The following DYNC1I1 variants were observed in gnomAD, a reference collection of about 807,000 sequenced individuals.
The protein encoded by DYNC1I1 is dynein cytoplasmic 1 intermediate chain 1, also known as cytoplasmic dynein 1 intermediate chain 1.
DYNC1I1 carries 43 observed loss-of-function variants against 86.6 expected under a neutral mutation model. That is an observed-to-expected ratio of 0.50 (90% CI 0.39 to 0.64). The LOEUF is 0.64. Ranked by LOEUF, DYNC1I1 falls within the 30% of genes least tolerant of loss-of-function variation. The probability of loss-of-function intolerance (pLI) is 0.00; values close to 1 mark genes in which losing one functional copy is unlikely to be tolerated. For missense variants in DYNC1I1, 604 were observed against 788.8 expected (o/e 0.77, Z 2.81); for synonymous variants, 262 against 283.7 (o/e 0.92, Z 0.77).
intron 1 of DYNC1I1, among the ~76,000 whole-genome samples, chr7:95,796,591 A>T (rs988609440): frequency 1.3e-5 from 2 of 151,674 alleles, no homozygotes; most frequent in African/African-American, 2.4e-5. Flanking sequence ...GGAATTTTTG[A>T]CTCTAACTTG....
intron 6 of DYNC1I1, among the ~76,000 whole-genome samples, chr7:95,907,879 A>C (rs1296226442): frequency 1.3e-5 from 2 of 152,152 alleles, no homozygotes; most frequent in Non-Finnish European, 2.9e-5. Context: ...GCATTGTCAA[A>C]TTGAGTTCTA....
At chr7:95,794,549 G>T (rs1053927893) in intron 1 of DYNC1I1, among the ~76,000 whole-genome samples, 1 of 152,144 alleles carries the variant, frequency 6.6e-6, no homozygotes, top group Non-Finnish European at 1.5e-5. Flanking sequence ...AGTCCTTTAA[G>T]ATTTAAGAGC....
At chr7:95,784,424 G>A (rs1258451842) in intron 1 of DYNC1I1, among the ~76,000 whole-genome samples, 4 of 152,108 alleles carry the variant, frequency 2.6e-5, no homozygotes, top group African/African-American at 7.2e-5. Context: ...GTCTGGGTAC[G>A]ATGGAGGGGA....
At chr7:96,085,413 A>G (rs1790649147) in intron 16 of DYNC1I1, among the ~76,000 whole-genome samples, 1 of 152,068 alleles carries the variant, frequency 6.6e-6, no homozygotes. Flanking sequence ...CATGAGTAAT[A>G]TCCCACAGCC....
At chr7:95,877,015 T>G (rs567170823) in intron 6 of DYNC1I1, among the ~76,000 whole-genome samples, 1 of 152,360 alleles carries the variant, frequency 6.6e-6, no homozygotes, top group East Asian at 1.9e-4. Flanking sequence ...GAAGATTCTA[T>G]GGTATTTGAA....
At chr7:95,943,943 A>G (rs565022093) in intron 6 of DYNC1I1, among the ~76,000 whole-genome samples, 1 of 151,064 alleles carries the variant, frequency 6.6e-6, no homozygotes, top group South Asian at 2.1e-4. Flanking sequence ...CTAGGCATTA[A>G]CATTCAGGAC....
chr7:95,986,453 C>T (rs928750826), intron 8 of DYNC1I1, among the ~76,000 whole-genome samples: 14 of 152,192 alleles, frequency 9.2e-5, no homozygotes, highest in African/African-American at 3.4e-4. Context: ...AAGTGTAATC[C>T]TCCTAGATTC....
chr7:95,844,939 A>T lies in DYNC1I1; in HGVS notation c.374+16823A>T, dbSNP rs989816800. Among the ~76,000 whole-genome samples, 5 of 152,200 alleles carry T rather than the reference A, an allele frequency of 3.3e-5. No individual in the cohort carries two copies. The South Asian group carries it at 1.0e-3, about 32-fold the overall frequency. On this transcript the variant is annotated intron_variant, in intron 5 of 16. Coordinates refer to ENST00000447467, the MANE Select transcript of DYNC1I1 (RefSeq NM_001135556.2). Reference sequence around the variant, plus strand: ...TAACCTGATGACCTTTCATTAGTTTATAACAGTAGTATAATTTTGGGAAAT... The same window carrying T: ...TAACCTGATGACCTTTCATTAGTTTTTAACAGTAGTATAATTTTGGGAAAT...
intron 6 of DYNC1I1, among the ~76,000 whole-genome samples, chr7:95,939,923 C>T (rs1792156027): frequency 6.6e-6 from 1 of 152,126 alleles, no homozygotes; most frequent in South Asian, 2.1e-4. Flanking sequence ...CATGATTTTG[C>T]AGTGGCTGGT....
chr7:96,106,858 A>G (rs936736565), intron 16 of DYNC1I1, among the ~76,000 whole-genome samples: 16 of 152,200 alleles, frequency 1.1e-4, no homozygotes, highest in Non-Finnish European at 1.8e-4. Context: ...TCAACTTGCT[A>G]AATATTCCAT....
At chr7:96,028,086 T>G in intron 10 of DYNC1I1, 89 bp from the exon 11 acceptor site, 1 of 1,517,350 alleles carries the variant, frequency 6.6e-7, no homozygotes, top group Non-Finnish European at 9.0e-7. Context: ...ATGTGTTGAG[T>G]TTATGTGATG....
At chr7:96,056,232 A>C (rs766494903) in intron 14 of DYNC1I1, 1 of 151,974 alleles carries the variant, frequency 6.6e-6, no homozygotes, top group African/African-American at 2.4e-5. Flanking sequence ...GTCTTCTGCT[A>C]TTAGGACCAT....
chr7:95,813,093 C>CTTTTTTTTTTTTTTT (rs11452827), intron 3 of DYNC1I1, 154 bp from the exon 4 acceptor site: 2 of 1,114,300 alleles, frequency 1.8e-6, no homozygotes, highest in African/African-American at 1.8e-5. Flanking sequence ...CTTTTCTTTC[C>CTTTTTTTTTTTTTTT]TTTTTTTTTT....
At chr7:95,826,038 C>T (rs1795195491) in intron 4 of DYNC1I1, among the ~76,000 whole-genome samples, 1 of 152,212 alleles carries the variant, frequency 6.6e-6, no homozygotes, top group Non-Finnish European at 1.5e-5. Context: ...CATTGCTGCT[C>T]AAAGTGTGTT....
intron 5 of DYNC1I1, among the ~76,000 whole-genome samples, chr7:95,847,355 A>G (rs901082191): frequency 6.6e-6 from 1 of 152,124 alleles, no homozygotes; most frequent in African/African-American, 2.4e-5. Flanking sequence ...TGTTTATCCT[A>G]GATTCGGTTT....
At chr7:95,845,871 C>T (rs928504596) in intron 5 of DYNC1I1, among the ~76,000 whole-genome samples, 7 of 152,140 alleles carry the variant, frequency 4.6e-5, no homozygotes, top group Non-Finnish European at 7.4e-5. Flanking sequence ...TGAGAAGCTT[C>T]TATCACCAAG....
At chr7:95,896,725 T>C (rs190649765) in intron 6 of DYNC1I1, among the ~76,000 whole-genome samples, 116 of 152,310 alleles carry the variant, frequency 7.6e-4, no homozygotes, top group African/African-American at 2.7e-3. Context: ...TTGCTGTGTG[T>C]TGTGGGAATT....
At chr7:95,815,984 A>G (rs1383206163) in intron 4 of DYNC1I1, among the ~76,000 whole-genome samples, 1 of 151,520 alleles carries the variant, frequency 6.6e-6, no homozygotes, top group Non-Finnish European at 1.5e-5. Flanking sequence ...AGAAGTAAAA[A>G]TAGTGCTTTA....
intron 10 of DYNC1I1, among the ~76,000 whole-genome samples, chr7:96,012,900 A>T (rs988848948): frequency 1.6e-4 from 24 of 151,880 alleles, no homozygotes; most frequent in African/African-American, 5.6e-4. Context: ...ATTTTTTTAA[A>T]TTTTTTCCAT....
Sources: allele counts gnomAD v4.1 joint callset (sites outside exome capture counted in the v4.1 genomes callset), GRCh38; gene constraint gnomAD v4.1.1; transcripts MANE v1.5; gene names NCBI Gene and HGNC (gene_info 2026-07-23, HGNC 2026-07-21).